Variants in NPR3 observed in about 807,000 individuals in gnomAD.
NPR3 encodes the protein natriuretic peptide receptor 3, also known as atrial natriuretic peptide receptor 3.
Under a neutral mutation model 54.5 loss-of-function variants are expected in NPR3, and 34 were observed. The observed-to-expected ratio is 0.62, with a 90% CI of 0.47 to 0.83. The LOEUF is 0.83. NPR3 is among the 40% of genes least tolerant of loss of function. NPR3 has a pLI of 0.00. For missense variants in NPR3, 674 were observed against 720.8 expected (o/e 0.94, Z 0.74); for synonymous variants, 289 against 297.1 (o/e 0.97, Z 0.28).
At chr5:32,740,799 CACACATG>C (rs1299540122) in intron 3 of NPR3, among the ~76,000 whole-genome samples, 2 of 152,064 alleles carry the variant, frequency 1.3e-5, no homozygotes, top group South Asian at 2.1e-4. Context: ...CTCAATGGGC[CACACATG>C]ACTAGTGGCT....
At chr5:32,725,046 C>G (rs954863167) in intron 2 of NPR3, among the ~76,000 whole-genome samples, 3 of 152,164 alleles carry the variant, frequency 2.0e-5, no homozygotes, top group Non-Finnish European at 4.4e-5. Context: ...ACTGCATGCT[C>G]TCACTTACAA....
rs1167934208 is a variant in NPR3 at position 32,711,722 on chromosome 5, T to TG, written c.-49dup. 3.7e-6 allele frequency: 5 copies of TG among 1,347,874 alleles called. No individual in the cohort carries two copies. Among genetic ancestry groups the TG allele is most frequent in the East Asian group, 2.8e-5 (1 of 35,212 alleles). The allele number at this position is 1,347,874 out of a possible 1,614,324, so 83.5% of individuals were successfully genotyped here. A position where few individuals can be genotyped will look rare whatever the true frequency, so the allele number is the denominator to read the frequency against. On this transcript the variant is annotated 5_prime_UTR_variant, in exon 1 of 8. Coordinates refer to ENST00000265074, the MANE Select transcript of NPR3 (RefSeq NM_001204375.2). The stretch of plus-strand genomic sequence containing the variant: ...GTGGGGAGGAAAGAGGAAGGGTGGG[T>TG]GGGGGGCAGAGGGCGAGTCGGCGGC...
intron 1 of NPR3, among the ~76,000 whole-genome samples, chr5:32,714,064 G>A (rs532823552): frequency 6.6e-6 from 1 of 152,246 alleles, no homozygotes; most frequent in Non-Finnish European, 1.5e-5. Flanking sequence ...CAGCCTCCAC[G>A]GGGGTGTCTG....
In NPR3 at chr5:32,790,867, T is replaced by C. The variant is rs929118082; in HGVS notation, c.*4522T>C. 1.2e-5 allele frequency: 2 copies of C among 166,976 alleles called. No individual in the cohort carries two copies. The highest frequency in any genetic ancestry group is 2.4e-5 in the African/African-American group (1 of 41,422). The allele number at this position is 166,976 out of a possible 1,614,324, so 10.3% of individuals were successfully genotyped here. ...AGCTCTGTGATATATCAGTGGGAGA[T>C]GATTCATAGGGGAGAGATTTGAACA... On this transcript the variant is annotated 3_prime_UTR_variant, in exon 8 of 8. Coordinates refer to ENST00000265074, the MANE Select transcript of NPR3 (RefSeq NM_001204375.2).
chr5:32,700,019 A>G (rs942132650), intron 1 of NPR3, among the ~76,000 whole-genome samples: 2 of 152,118 alleles, frequency 1.3e-5, no homozygotes, highest in Non-Finnish European at 2.9e-5. Flanking sequence ...ATGTTGGGCT[A>G]CTCTCTCCTG....
At chr5:32,694,109 A>G (rs7726665) in intron 1 of NPR3, among the ~76,000 whole-genome samples, 3 of 152,302 alleles carry the variant, frequency 2.0e-5, no homozygotes, top group East Asian at 3.9e-4. Flanking sequence ...GGGGTAGCAA[A>G]CATGAGTCCT....
chr5:32,702,531 G>A (rs192221759), intron 1 of NPR3, among the ~76,000 whole-genome samples: 3 of 151,146 alleles, frequency 2.0e-5, no homozygotes, highest in African/African-American at 7.3e-5. Context: ...TTGTCCTTAC[G>A]ATAGTTTACT....
chr5:32,744,311 C>T (rs1740189366), intron 3 of NPR3, among the ~76,000 whole-genome samples: 1 of 152,110 alleles, frequency 6.6e-6, no homozygotes, highest in Non-Finnish European at 1.5e-5. Flanking sequence ...TTTAATGAGG[C>T]TCAGTGACCA....
intron 3 of NPR3, among the ~76,000 whole-genome samples, chr5:32,745,444 G>A (rs1276770266): frequency 5.9e-5 from 9 of 152,210 alleles, no homozygotes; most frequent in Non-Finnish European, 7.3e-5. Flanking sequence ...CTCTGCCCAT[G>A]AGCAGTTCCA....
chr5:32,731,871 C>T (rs973348144), intron 2 of NPR3, among the ~76,000 whole-genome samples: 1 of 152,200 alleles, frequency 6.6e-6, no homozygotes, highest in East Asian at 1.9e-4. Context: ...AAGTTGAGGG[C>T]AGGGATGATG....
chr5:32,713,707 G>A (rs906732699), intron 1 of NPR3, among the ~76,000 whole-genome samples: 1 of 152,226 alleles, frequency 6.6e-6, no homozygotes, highest in East Asian at 1.9e-4. Context: ...CTGGTCGTAG[G>A]GGACAGCGCA....
chr5:32,718,489 ATTTG>A (rs1428094595), intron 1 of NPR3, among the ~76,000 whole-genome samples: 1 of 152,074 alleles, frequency 6.6e-6, no homozygotes, highest in South Asian at 2.1e-4. Context: ...ATATTCTTTC[ATTTG>A]TTTGTGTCCT....
At chr5:32,734,851 G>A (rs903028455) in intron 2 of NPR3, among the ~76,000 whole-genome samples, 12 of 152,136 alleles carry the variant, frequency 7.9e-5, no homozygotes, top group African/African-American at 1.7e-4. Context: ...AGACAGCACC[G>A]CTCTAGAGCA....
At chr5:32,784,207 T>G (rs1034436058) in intron 6 of NPR3, among the ~76,000 whole-genome samples, 1 of 152,176 alleles carries the variant, frequency 6.6e-6, no homozygotes, top group African/African-American at 2.4e-5. Context: ...TTTATTTATT[T>G]TGAGATAGTC....
At chr5:32,710,633 C>T (rs1246675878), upstream of NPR3, 39 of 1,460,766 alleles carry the variant, frequency 2.7e-5, no homozygotes, top group Non-Finnish European at 3.5e-5. Flanking sequence ...GTAGGTGACG[C>T]CCGGGCCAGC....
At chr5:32,783,097 C>T (rs1463709201) in intron 6 of NPR3, 69 bp downstream of exon 6, 1 of 1,457,382 alleles carries the variant, frequency 6.9e-7, no homozygotes, top group African/African-American at 1.4e-5. Flanking sequence ...AAGTTTAAAA[C>T]CCAAGTGTTT....
chr5:32,738,049 A>G (rs771449690), intron 2 of NPR3, among the ~76,000 whole-genome samples: 2 of 152,186 alleles, frequency 1.3e-5, no homozygotes, highest in Admixed American at 6.5e-5. Flanking sequence ...AGAGAGACAC[A>G]AATCTTTGAG....
intron 5 of NPR3, among the ~76,000 whole-genome samples, chr5:32,782,491 G>A (rs1332985504): frequency 6.6e-6 from 1 of 152,184 alleles, no homozygotes; most frequent in Non-Finnish European, 1.5e-5. Flanking sequence ...TTTCCACGAG[G>A]GGGTAGTGAC....
At chr5:32,692,870 T>C (rs1740428308) in intron 1 of NPR3, among the ~76,000 whole-genome samples, 1 of 152,148 alleles carries the variant, frequency 6.6e-6, no homozygotes, top group African/African-American at 2.4e-5. Context: ...CCGGTAATCC[T>C]AGCACTTTGG....
Sources: gnomAD v4.1 joint callset for allele counts (sites outside exome capture counted in the v4.1 genomes callset) on GRCh38, gnomAD v4.1.1 for gene constraint, MANE v1.5 for transcripts, NCBI Gene and HGNC (gene_info 2026-07-23, HGNC 2026-07-21) for gene names.